TEX35: variants seen among roughly 807,000 people sequenced by gnomAD.
TEX35 encodes testis expressed 35.
Under a neutral mutation model 31.9 loss-of-function variants are expected in TEX35, and 26 were observed. The ratio of observed to expected loss-of-function variants is 0.81; its 90% CI spans 0.60 to 1.13. TEX35 has a LOEUF of 1.13. TEX35 is among the 50% of genes most tolerant of loss of function. TEX35 has a pLI of 0.00. For synonymous variants in TEX35, 87 were observed against 90.7 expected, an observed-to-expected ratio of 0.96 and a Z score of 0.23; for missense variants, 278 against 273.5, an observed-to-expected ratio of 1.02 and a Z score of -0.12.
At chr1:178,519,076 G>A (rs1224907245) in intron 5 of TEX35, among the ~76,000 whole-genome samples, 1 of 152,188 alleles carries the variant, frequency 6.6e-6, no homozygotes, top group Non-Finnish European at 1.5e-5. Context: ...AACATTCTGG[G>A]AGGAGCACTT....
chr1:178,521,798 T>A, intron 8 of TEX35: 1 of 1,547,840 alleles, frequency 6.5e-7, no homozygotes, highest in Non-Finnish European at 8.7e-7. Flanking sequence ...TTAAAAACCT[T>A]CATTCAAAGC....
rs1331837280 is a variant in TEX35, at chr1:178,522,624, C to A, written c.*184C>A. ...CTCTTTGCTAAGCTGGCTGCTTCTA[C>A]CATCTAATAAATAATTGGCCAAGTT... On this transcript the variant is annotated 3_prime_UTR_variant, in exon 9 of 9. Coordinates refer to ENST00000319416, the MANE Select transcript of TEX35 (RefSeq NM_032126.5). 7.8e-6 allele frequency: 10 copies of A among 1,284,440 alleles called. No individual in the cohort carries two copies. The highest frequency in any genetic ancestry group is 2.3e-4 in the Middle Eastern group (1 of 4,444). The allele number at this position is 1,284,440 out of a possible 1,614,324, so 79.6% of individuals were successfully genotyped here.
intron 8 of TEX35, chr1:178,521,472 C>T: frequency 9.8e-7 from 1 of 1,015,662 alleles, no homozygotes; most frequent in Non-Finnish European, 1.5e-6. Flanking sequence ...CTAGAGGCTG[C>T]TGCCTGGGGC....
At chr1:178,520,517 A>G (rs1275117169) in intron 6 of TEX35, 81 bp downstream of exon 6, 1 of 1,611,884 alleles carries the variant, frequency 6.2e-7, no homozygotes, top group African/African-American at 1.3e-5. Flanking sequence ...TGGGGTTCAG[A>G]GGACACCCAG....
rs1212570445 is a variant in TEX35, at chr1:178,520,694, G to A, written c.363G>A (p.Lys121=). 6.2e-7 allele frequency: 1 copy of A among 1,614,034 alleles called. No individual in the cohort carries two copies. Among genetic ancestry groups the A allele is most frequent in the Non-Finnish European group, 8.5e-7 (1 of 1,179,988 alleles). ...NYKLPLRRAP[K]EQQELRLMGK... is the part of the protein sequence containing the mutation. ...CCAGTCCCCTTAGAAGAGCACCAAA[G>A]GAGCAGCAGGAACTCAGGCTGATGG... The change falls in exon 7 of 9, where the codon AAG becomes AAA. Residue 121 remains lysine (K), a synonymous_variant. Coordinates refer to ENST00000319416, the MANE Select transcript of TEX35 (RefSeq NM_032126.5).
intron 6 of TEX35, 33 bp downstream of exon 6, chr1:178,520,469 C>T: frequency 3.1e-6 from 5 of 1,614,036 alleles, no homozygotes; most frequent in Non-Finnish European, 4.2e-6. Flanking sequence ...TCTCCTCATC[C>T]CTAAAGGGTC....
At chr1:178,518,448 A>G (rs192185557) in intron 5 of TEX35, among the ~76,000 whole-genome samples, 1 of 152,286 alleles carries the variant, frequency 6.6e-6, no homozygotes, top group East Asian at 1.9e-4. Context: ...AAAAATTTGG[A>G]AACGACCTCA....
chr1:178,521,745 T>C (rs1650292955), intron 8 of TEX35: 2 of 1,551,660 alleles, frequency 1.3e-6, no homozygotes, highest in Non-Finnish European at 1.7e-6. Flanking sequence ...CAGGGCTTCT[T>C]GTCCTGTTAA....
chr1:178,520,513 T>C (rs1405203980), intron 6 of TEX35, 77 bp downstream of exon 6: 10 of 1,612,652 alleles, frequency 6.2e-6, no homozygotes, highest in Non-Finnish European at 7.6e-6. Flanking sequence ...CCTTTGGGGT[T>C]CAGAGGACAC....
At chr1:178,522,688 G>T, downstream of TEX35, 1 of 1,197,048 alleles carries the variant, frequency 8.4e-7, no homozygotes, top group Non-Finnish European at 1.0e-6. Flanking sequence ...TTAATTTTGT[G>T]GGTTCATAGT....
intron 3 of TEX35, 125 bp downstream of exon 3, chr1:178,514,893 C>G (rs577150263): frequency 1.3e-6 from 1 of 780,808 alleles, no homozygotes; most frequent in Non-Finnish European, 2.1e-6. Context: ...GTGCAATTAT[C>G]AAAATCCAGA....
At chr1:178,519,279 C>G (rs1391770668) in intron 5 of TEX35, among the ~76,000 whole-genome samples, 1 of 152,128 alleles carries the variant, frequency 6.6e-6, no homozygotes, top group Non-Finnish European at 1.5e-5. Context: ...AGACTGAAGT[C>G]TTGAGAGGCA....
In TEX35 at chr1:178,520,848, C is replaced by A; in HGVS notation, c.517C>A (p.Pro173Thr). ...AAAAACAAAACAGGGCTCACTGGAT[C>A]CCCTTCATCACTGTGGGACCTGCTG... ...PQKTKQGSLD[P>T]LHHCGTCCEK... Residue 173 changes from proline (P) to threonine (T), a missense_variant, in exon 7 of 9, where the codon CCC becomes ACC. Coordinates refer to ENST00000319416, the MANE Select transcript of TEX35 (RefSeq NM_032126.5). 1 of 1,614,188 alleles carries A rather than the reference C, an allele frequency of 6.2e-7. No individual in the cohort carries two copies. The highest frequency in any genetic ancestry group is 8.5e-7 in the Non-Finnish European group (1 of 1,180,042).
intron 8 of TEX35, chr1:178,521,808 C>T: frequency 6.5e-7 from 1 of 1,543,068 alleles, no homozygotes; most frequent in Non-Finnish European, 8.7e-7. Flanking sequence ...TCATTCAAAG[C>T]CAAAGGGGAT....
chr1:178,521,839 T>G, intron 8 of TEX35: 1 of 1,522,460 alleles, frequency 6.6e-7, no homozygotes. Flanking sequence ...TGAGTACCAG[T>G]CCAAAACTTG....
intron 8 of TEX35, chr1:178,521,763 C>G (rs779011812): frequency 1.3e-6 from 2 of 1,551,630 alleles, no homozygotes; most frequent in South Asian, 2.4e-5. Flanking sequence ...TAAATACCAC[C>G]CCAACCCCAG....
At chr1:178,514,154 T>C (rs1157506447) in intron 2 of TEX35, 77 bp downstream of exon 2, 1 of 1,611,406 alleles carries the variant, frequency 6.2e-7, no homozygotes, top group Non-Finnish European at 8.5e-7. Flanking sequence ...CAGGGGTCAT[T>C]TGCTGATCCT....
Position 178,520,822 on chromosome 1 carries a change from A to C in TEX35, c.491A>C (p.Gln164Pro). The C allele has an allele frequency of 6.2e-7, 1 of 1,614,202 alleles. No homozygotes were observed. Among genetic ancestry groups the C allele is most frequent in the South Asian group, 1.1e-5 (1 of 91,082 alleles). ...CTTCACAAGAAGACGATGGCACCAC[A>C]AAAAACAAAACAGGGCTCACTGGAT... ...CALHKKTMAP[Q>P]KTKQGSLDPL... Residue 164 changes from glutamine (Q) to proline (P), a missense_variant, in exon 7 of 9, where the codon CAA (glutamine) becomes CCA (proline). Physicochemically the swap from Gln to Pro is moderately conservative, Grantham distance 76. Transcript: ENST00000319416.
chr1:178,521,565 T>C, intron 8 of TEX35: 2 of 1,475,498 alleles, frequency 1.4e-6, no homozygotes, highest in Non-Finnish European at 1.9e-6. Context: ...CAGTGGGAAA[T>C]ATTCACACCA....
Sources: gnomAD v4.1 joint callset for allele counts (sites outside exome capture counted in the v4.1 genomes callset) on GRCh38, gnomAD v4.1.1 for gene constraint, MANE v1.5 for transcripts, NCBI Gene and HGNC (gene_info 2026-07-23, HGNC 2026-07-21) for gene names.